The following SYNE1 variants were observed in gnomAD, a reference collection of about 807,000 sequenced individuals.
SYNE1 encodes nesprin-1.
A neutral mutation model predicts 1,111.0 loss-of-function variants in SYNE1; 616 were observed. The observed-to-expected ratio is 0.55, with a 90% CI of 0.52 to 0.59. The LOEUF is 0.59. Among genes scored for constraint, SYNE1 ranks in the 20% least tolerant of loss-of-function variants. The pLI, the probability that SYNE1 is intolerant of heterozygous loss-of-function variation, is 0.00. For missense variants in SYNE1, 10,006 were observed against 10,417.0 expected (o/e 0.96, Z 1.72); for synonymous variants, 3,855 against 3,825.8 (o/e 1.01, Z -0.28).
At chr6:152,325,386 GC>G (rs2096034221) in intron 80 of SYNE1, 84 bp from the exon 81 acceptor site, 2 of 1,342,124 alleles carry the variant, frequency 1.5e-6, no homozygotes, top group Non-Finnish European at 2.1e-6. Context: ...TCTTGGTAAA[GC>G]CCAAAATTCC....
chr6:152,466,083 A>G lies in SYNE1; in HGVS notation c.1633-5T>C. On this transcript the variant is annotated splice_region_variant and splice_polypyrimidine_tract_variant and intron_variant, in intron 16 of 145. Transcript: ENST00000367255. ...CTTGCTATTTTCTATAAAAGACTAGAAAAGGAGGAATGGTTAGAAGATAGC... is the reference window on the plus strand; with the variant it reads ...CTTGCTATTTTCTATAAAAGACTAGGAAAGGAGGAATGGTTAGAAGATAGC... The G allele has an allele frequency of 1.3e-6, 2 of 1,560,482 alleles. No homozygotes were observed. The highest frequency in any genetic ancestry group is 1.8e-6 in the Non-Finnish European group (2 of 1,131,838).
At position 152,449,102 on chromosome 6, in the gene SYNE1, C is replaced by A. The variant is rs556279622; in HGVS notation, c.3504+431G>T. ...CACACTGATAGAGGCTGAAATGAAC[C>A]AATCCAGCTTAATGTCACATAGAAA... On this transcript the variant is annotated intron_variant, in intron 28 of 145. Coordinates refer to ENST00000367255, the MANE Select transcript of SYNE1 (RefSeq NM_182961.4). 8.5e-5 allele frequency among the ~76,000 whole-genome samples: 13 copies of A among 152,290 alleles called. 1 individual carries two copies. The South Asian group carries it at 2.7e-3, about 32-fold the overall frequency.
chr6:152,504,634 T>C (rs2154330560), intron 9 of SYNE1, among the ~76,000 whole-genome samples: 1 of 152,342 alleles, frequency 6.6e-6, no homozygotes, highest in East Asian at 1.9e-4. Flanking sequence ...ACATAACAAC[T>C]TATTAGTTTA....
chr6:152,529,988 T>C (rs2099188146), intron 4 of SYNE1, among the ~76,000 whole-genome samples: 1 of 152,192 alleles, frequency 6.6e-6, no homozygotes, highest in African/African-American at 2.4e-5. Context: ...GGTACAGTAT[T>C]GCCAAGGCCC....
chr6:152,459,985 G>T (rs916244241), intron 21 of SYNE1, among the ~76,000 whole-genome samples: 15 of 152,018 alleles, frequency 9.9e-5, no homozygotes, highest in African/African-American at 3.4e-4. Context: ...ACAAGACTCT[G>T]ATATAATTAC....
In SYNE1 at chr6:152,463,342, G is replaced by A; in HGVS notation, c.2097+11C>T. 4 of 1,613,518 alleles carry A rather than the reference G, an allele frequency of 2.5e-6. No individual in the cohort carries two copies. The highest frequency in any genetic ancestry group is 3.4e-6 in the Non-Finnish European group (4 of 1,179,594). ...TACACGTTGAGGTGTATATAGACTT[G>A]AAAGACATACTTGCTTGACTTCCAT... On this transcript the variant is annotated intron_variant, in intron 19 of 145. Transcript: ENST00000367255.
intron 15 of SYNE1, 100 bp downstream of exon 15, chr6:152,472,201 C>T: frequency 9.9e-7 from 1 of 1,005,984 alleles, no homozygotes; most frequent in South Asian, 1.5e-5. Flanking sequence ...AAGGTAGGCG[C>T]CTCTGTTAAA....
At chr6:152,395,950 C>G (rs1253032290) in intron 50 of SYNE1, among the ~76,000 whole-genome samples, 1 of 152,210 alleles carries the variant, frequency 6.6e-6, no homozygotes, top group Non-Finnish European at 1.5e-5. Context: ...AACAAGATCA[C>G]ATTCCCACGT....
At chr6:152,309,744 G>T in intron 90 of SYNE1, 91 bp downstream of exon 90, 1 of 1,516,696 alleles carries the variant, frequency 6.6e-7, no homozygotes, top group Non-Finnish European at 9.0e-7. Context: ...CACCCTGGAT[G>T]TGTTTTGATG....
intron 3 of SYNE1, among the ~76,000 whole-genome samples, chr6:152,619,046 T>TCTCACACACA (rs369313606): frequency 1.9e-4 from 26 of 135,790 alleles, no homozygotes; most frequent in South Asian, 4.7e-4. Context: ...GGTGTGAGAA[T>TCTCACACACA]CACACACACA....
At position 152,205,830 on chromosome 6, in the gene SYNE1, G is replaced by A. The variant is rs2076402882; in HGVS notation, c.23019+338C>T. On this transcript the variant is annotated intron_variant, in intron 126 of 145. Transcript: ENST00000367255. ...AAAACCACTTTAGAGTCTCAGATTAGGGAGTGGAACCTACCCTTTGAATTT... is the reference window on the plus strand; with the variant it reads ...AAAACCACTTTAGAGTCTCAGATTAAGGAGTGGAACCTACCCTTTGAATTT... Among the ~76,000 whole-genome samples, 2 of 152,186 alleles carry A rather than the reference G, an allele frequency of 1.3e-5. 1 individual carries two copies. Among genetic ancestry groups the A allele is most frequent in the South Asian group, 4.1e-4 (2 of 4,832 alleles).
At chr6:152,209,113 A>C (rs927816353) in intron 124 of SYNE1, among the ~76,000 whole-genome samples, 7 of 152,330 alleles carry the variant, frequency 4.6e-5, no homozygotes, top group Non-Finnish European at 1.0e-4. Context: ...CTAAAGTGCA[A>C]GTAATGTTGC....
chr6:152,457,846 A>C (rs1166209043), intron 22 of SYNE1, among the ~76,000 whole-genome samples: 3 of 151,806 alleles, frequency 2.0e-5, no homozygotes, highest in African/African-American at 7.2e-5. Context: ...TAATGCCTAA[A>C]GCTATGTGTG....
At chr6:152,480,901 C>T (rs2154292001) in intron 14 of SYNE1, 2 of 423,692 alleles carry the variant, frequency 4.7e-6, no homozygotes, top group South Asian at 3.5e-5. Flanking sequence ...ATGCTTTGTT[C>T]ACTAGACTTT....
chr6:152,579,675 C>T (rs1164726217), intron 3 of SYNE1, among the ~76,000 whole-genome samples: 1 of 152,164 alleles, frequency 6.6e-6, no homozygotes, highest in Non-Finnish European at 1.5e-5. Flanking sequence ...TCTTCCTATC[C>T]TCTACCCTCA....
At chr6:152,141,161 C>A in intron 139 of SYNE1, 42 bp downstream of exon 139, 1 of 1,613,680 alleles carries the variant, frequency 6.2e-7, no homozygotes, top group Non-Finnish European at 8.5e-7. Context: ...GCTTCAGGAT[C>A]TTCTATTTCA....
chr6:152,163,501 G>GAAAA (rs35413195), intron 131 of SYNE1, among the ~76,000 whole-genome samples: 5 of 114,680 alleles, frequency 4.4e-5, no homozygotes, highest in African/African-American at 1.0e-4. Context: ...TCTGTCTCAG[G>GAAAA]AAAAAAAAAA....
At chr6:152,553,011 A>G (rs958750807) in intron 3 of SYNE1, among the ~76,000 whole-genome samples, 4 of 152,202 alleles carry the variant, frequency 2.6e-5, no homozygotes, top group Non-Finnish European at 5.9e-5. Flanking sequence ...GTTACTTTTA[A>G]TAATAATAGA....
At chr6:152,318,483 T>A in intron 85 of SYNE1, 1 of 619,634 alleles carries the variant, frequency 1.6e-6, no homozygotes, top group South Asian at 2.0e-5. Flanking sequence ...GTGAGAAGGC[T>A]AACATTTTCC....
Sources: allele counts gnomAD v4.1 joint callset (sites outside exome capture counted in the v4.1 genomes callset), GRCh38; gene constraint gnomAD v4.1.1; transcripts MANE v1.5; gene names NCBI Gene and HGNC (gene_info 2026-07-23, HGNC 2026-07-21).